Variants in PLPP1 observed in about 807,000 individuals in gnomAD.
The protein encoded by PLPP1 is phospholipid phosphatase 1.
In PLPP1, 24 loss-of-function variants were observed where a neutral mutation model predicts 31.2. The observed-to-expected ratio is 0.77, with a 90% CI of 0.56 to 1.08. PLPP1 has a LOEUF of 1.08. PLPP1 is among the 50% of genes least tolerant of loss of function. The pLI, the probability that PLPP1 is intolerant of heterozygous loss-of-function variation, is 0.00. For missense variants in PLPP1, 319 were observed against 342.7 expected, an observed-to-expected ratio of 0.93 and a Z score of 0.55; for synonymous variants, 146 against 126.3, an observed-to-expected ratio of 1.16 and a Z score of -1.05.
chr5:55,501,131 G>A lies in PLPP1; in HGVS notation c.59-25681C>T, dbSNP rs1386313488. Among the ~76,000 whole-genome samples, 4 of 152,248 alleles carry A rather than the reference G, an allele frequency of 2.6e-5. No individual in the cohort carries two copies. The South Asian group carries it at 6.2e-4, about 24-fold the overall frequency. ...AGTTTGAGACCAGCCTGGCCAACAT[G>A]GCAAAACCCCATCTCTACTAAAAAT... On this transcript the variant is annotated intron_variant, in intron 1 of 5. Coordinates refer to ENST00000307259, the MANE Select transcript of PLPP1 (RefSeq NM_003711.4).
chr5:55,466,618 G>A (rs1300272756), intron 3 of PLPP1, among the ~76,000 whole-genome samples: 6 of 151,834 alleles, frequency 4.0e-5, no homozygotes, highest in South Asian at 2.1e-4. Context: ...CAGGAGAATC[G>A]CTTGAACCCG....
intron 1 of PLPP1, among the ~76,000 whole-genome samples, chr5:55,500,979 T>G (rs1753129936): frequency 6.6e-6 from 1 of 152,230 alleles, no homozygotes; most frequent in Non-Finnish European, 1.5e-5. Flanking sequence ...TTAAGAAGAT[T>G]GAAACTAGAG....
intron 1 of PLPP1, among the ~76,000 whole-genome samples, chr5:55,524,580 CG>C (rs1464931065): frequency 1.3e-5 from 2 of 152,082 alleles, no homozygotes; most frequent in East Asian, 1.9e-4. Flanking sequence ...GGAGCCAAGA[CG>C]GGTGGATCAC....
At chr5:55,448,297 C>A (rs777768040) in intron 3 of PLPP1, among the ~76,000 whole-genome samples, 13 of 152,116 alleles carry the variant, frequency 8.5e-5, no homozygotes, top group Non-Finnish European at 1.6e-4. Flanking sequence ...ATATTGCACA[C>A]TTTCTGGAGG....
At chr5:55,504,665 A>C (rs1362316686) in intron 1 of PLPP1, among the ~76,000 whole-genome samples, 4 of 152,038 alleles carry the variant, frequency 2.6e-5, no homozygotes, top group African/African-American at 4.8e-5. Context: ...GGACACTTCT[A>C]TTACTAAAGT....
chr5:55,493,937 TGGGAAGCTCAGGCAGAA>T (rs1355974204), intron 1 of PLPP1, among the ~76,000 whole-genome samples: 7 of 151,606 alleles, frequency 4.6e-5, no homozygotes, highest in African/African-American at 1.7e-4. Context: ...TCCAGACATT[TGGGAAGCTCAGGCAGAA>T]GGATCACTTG....
intron 4 of PLPP1, among the ~76,000 whole-genome samples, chr5:55,431,325 T>TATCA (rs1751342669): frequency 6.6e-6 from 1 of 152,184 alleles, no homozygotes; most frequent in African/African-American, 2.4e-5. Flanking sequence ...GGGGAACACC[T>TATCA]ATCAGACTAA....
intron 4 of PLPP1, among the ~76,000 whole-genome samples, chr5:55,436,480 C>G (rs1751496418): frequency 2.0e-5 from 3 of 152,322 alleles, no homozygotes; most frequent in Admixed American, 1.3e-4. Context: ...CTTGTAAGGC[C>G]TCCTAAGCCA....
At chr5:55,497,494 C>G in intron 1 of PLPP1, among the ~76,000 whole-genome samples, 1 of 150,874 alleles carries the variant, frequency 6.6e-6, no homozygotes, top group East Asian at 1.9e-4. Flanking sequence ...CTCAAGCAAT[C>G]CTCCTGCCTC....
At chr5:55,428,100 C>G (rs1049233848) in intron 4 of PLPP1, among the ~76,000 whole-genome samples, 6 of 150,610 alleles carry the variant, frequency 4.0e-5, no homozygotes, top group Non-Finnish European at 5.9e-5. Context: ...TCCAACACTT[C>G]TAAGTGAAGT....
In PLPP1 at chr5:55,519,528, C is replaced by T. The variant is rs139912378; in HGVS notation, c.58+15044G>A. On this transcript the variant is annotated intron_variant, in intron 1 of 5. Coordinates refer to ENST00000307259, the MANE Select transcript of PLPP1 (RefSeq NM_003711.4). ...CTTTGGGAGGCCAAGGTGGGTGGAT[C>T]ACCTGAGGTCAGGAGTTCAAGACCA... Among the ~76,000 whole-genome samples, 46 of 152,198 alleles carry T rather than the reference C, an allele frequency of 3.0e-4. No homozygotes were observed. The East Asian group carries it at 8.7e-3, about 29-fold the overall frequency.
intron 1 of PLPP1, among the ~76,000 whole-genome samples, chr5:55,529,074 G>A (rs1467420591): frequency 6.6e-6 from 1 of 151,872 alleles, no homozygotes; most frequent in African/African-American, 2.4e-5. Flanking sequence ...CAATTTCTAA[G>A]GTGTAATAGC....
chr5:55,443,192 A>AAAAAAATATATATATATATAT, intron 3 of PLPP1, among the ~76,000 whole-genome samples: 5 of 25,438 alleles, frequency 2.0e-4, no homozygotes, highest in African/African-American at 3.2e-4. Context: ...AAAAAAAAAA[A>AAAAAAATATATATATATATAT]ATATATATAT....
chr5:55,444,323 C>T (rs1561225727), intron 3 of PLPP1, among the ~76,000 whole-genome samples: 1 of 152,074 alleles, frequency 6.6e-6, no homozygotes, highest in Non-Finnish European at 1.5e-5. Context: ...TCATGTGATC[C>T]GTCGCCCTCG....
Position 55,534,940 on chromosome 5 carries a change from C to G in PLPP1, c.-311G>C, listed in dbSNP as rs1316941972. 1 of 379,264 alleles carries G rather than the reference C, an allele frequency of 2.6e-6. No homozygotes were observed. The highest frequency in any genetic ancestry group is 4.8e-6 in the Non-Finnish European group (1 of 210,092). 23.5% of individuals were successfully genotyped at this position (379,264 alleles called of 1,614,324 possible). A position where few individuals can be genotyped will look rare whatever the true frequency, so the allele number is the denominator to read the frequency against. ...GGCACGGCCTGCCCCGGTTGCTCCCCGTCCGGATCCCGGCGCTCTCTCCCA... is the reference window on the plus strand; with the variant it reads ...GGCACGGCCTGCCCCGGTTGCTCCCGGTCCGGATCCCGGCGCTCTCTCCCA... On this transcript the variant is annotated 5_prime_UTR_variant, in exon 1 of 6. Transcript: ENST00000307259.
chr5:55,456,002 C>CT (rs34560581), intron 3 of PLPP1, among the ~76,000 whole-genome samples: 8,818 of 151,384 alleles, frequency 0.058, 445 homozygotes, highest in African/African-American at 0.11. Flanking sequence ...GGCTCATTAG[C>CT]TTTTTTTTTC....
rs980220010 is a variant in PLPP1, at chr5:55,424,908, T to C, written c.*298A>G. On this transcript the variant is annotated 3_prime_UTR_variant, in exon 6 of 6. Coordinates refer to ENST00000307259, the MANE Select transcript of PLPP1 (RefSeq NM_003711.4). ...TTATATTTAAATCAAACATCATTCA[T>C]AGAAAGCATATTACATACATGTTTA... is the stretch of plus-strand genomic sequence containing the variant. The C allele has an allele frequency of 6.1e-5, 41 of 667,326 alleles. No homozygotes were observed. The African/African-American group carries it at 6.9e-4, about 11-fold the overall frequency. The allele number at this position is 667,326 out of a possible 1,614,324, so 41.3% of individuals were successfully genotyped here.
At chr5:55,532,394 A>C (rs1464523561) in intron 1 of PLPP1, among the ~76,000 whole-genome samples, 4 of 152,234 alleles carry the variant, frequency 2.6e-5, no homozygotes, top group African/African-American at 7.2e-5. Context: ...GAAAAGACAA[A>C]GATGATATGT....
intron 4 of PLPP1, among the ~76,000 whole-genome samples, chr5:55,428,920 C>G (rs1751275308): frequency 6.6e-6 from 1 of 152,122 alleles, no homozygotes; most frequent in African/African-American, 2.4e-5. Context: ...GGCTCGGCAG[C>G]AACATTATTA....
Sources: gnomAD v4.1 joint callset for allele counts (sites outside exome capture counted in the v4.1 genomes callset) on GRCh38, gnomAD v4.1.1 for gene constraint, MANE v1.5 for transcripts, NCBI Gene and HGNC (gene_info 2026-07-23, HGNC 2026-07-21) for gene names.